The following PRXL2B variants were observed in gnomAD, a reference collection of about 807,000 sequenced individuals.
PRXL2B encodes peroxiredoxin like 2B, also known as prostamide/prostaglandin F synthase.
A neutral mutation model predicts 24.4 loss-of-function variants in PRXL2B; 26 were observed. The ratio of observed to expected loss-of-function variants is 1.07; its 90% confidence interval spans 0.78 to 1.48. The LOEUF is 1.48. PRXL2B is among the 40% of genes most tolerant of loss of function. The pLI is 0.00. For synonymous variants in PRXL2B, 115 were observed against 118.9 expected (o/e 0.97, Z 0.21); for missense variants, 269 against 264.8 (o/e 1.02, Z -0.11).
Position 2,587,421 on chromosome 1 carries a change from G to A in PRXL2B, c.268+126G>A. 8.8e-7 allele frequency: 1 copy of A among 1,137,982 alleles called. No individual in the cohort carries two copies. The highest frequency in any genetic ancestry group is 1.3e-6 in the Non-Finnish European group (1 of 798,846). The allele number at this position is 1,137,982 out of a possible 1,614,324, so 70.5% of individuals were successfully genotyped here. A position where few individuals can be genotyped will look rare whatever the true frequency, so the allele number is the denominator to read the frequency against. ...GCGGCCTTGATATGCCCACGGGTCA[G>A]CGTCCCTCATCTCTCCCTGCCTCCC... On this transcript the variant is annotated intron_variant, in intron 2 of 6. Coordinates refer to ENST00000419916, the MANE Select transcript of PRXL2B (RefSeq NM_152371.5). The surrounding 1 kb of genome is among the most constrained non-coding windows in gnomAD (Gnocchi z 6.1).
Position 2,591,240 on chromosome 1 carries a change from C to T in PRXL2B, c.*1813C>T, listed in dbSNP as rs1264989749. On this transcript the variant is annotated 3_prime_UTR_variant, in exon 7 of 7. Coordinates refer to ENST00000419916, the MANE Select transcript of PRXL2B (RefSeq NM_152371.5). Reference sequence around the variant, plus strand: ...AACATTTCAACCATGAGATAAACCCCCATCTGACCAGAAACATGCCAATCC... The same window carrying T: ...AACATTTCAACCATGAGATAAACCCTCATCTGACCAGAAACATGCCAATCC... The T allele has an allele frequency of 6.6e-6, 4 of 607,984 alleles. No homozygotes were observed. The African/African-American group carries it at 7.4e-5, about 11-fold the overall frequency. The allele number at this position is 607,984 out of a possible 1,614,324, so 37.7% of individuals were successfully genotyped here. A position where few individuals can be genotyped will look rare whatever the true frequency, so the allele number is the denominator to read the frequency against.
chr1:2,590,705 G>A lies in PRXL2B; in HGVS notation c.*1278G>A, dbSNP rs113521430. On this transcript the variant is annotated 3_prime_UTR_variant, in exon 7 of 7. Coordinates refer to ENST00000419916, the MANE Select transcript of PRXL2B (RefSeq NM_152371.5). ...ATACTGGAAGACAATGCACCTTGGA[G>A]GGTGGGCAGGACACAGTTGATTGTC... The A allele has an allele frequency of 1.1e-4, 42 of 376,366 alleles. No individual in the cohort carries two copies. The highest frequency in any genetic ancestry group is 7.7e-4 in the African/African-American group (37 of 48,334). The allele number at this position is 376,366 out of a possible 1,614,324, so 23.3% of individuals were successfully genotyped here. A position where few individuals can be genotyped will look rare whatever the true frequency, so the allele number is the denominator to read the frequency against.
At chr1:2,586,667 T>TGGCCGGGGCGC, upstream of PRXL2B, 5 of 1,093,976 alleles carry the variant, frequency 4.6e-6, no homozygotes, top group Admixed American at 1.2e-4. Flanking sequence ...GTCGGGGGCG[T>TGGCCGGGGCGC]GGCCGGGGCG....
rs1644564755 is a variant in PRXL2B, at chr1:2,587,804, CG to C, written c.320+15del. The stretch of plus-strand genomic sequence containing the variant: ...CTAGGCTTCAAGCGGTGAGTGGGGG[CG>C]GGAACCCTTGGGTAGCGTGGGGTGG... On this transcript the variant is annotated intron_variant, in intron 3 of 6. Transcript: ENST00000419916. The surrounding 1 kb of genome is among the most constrained non-coding windows in gnomAD (Gnocchi z 6.1). The C allele has an allele frequency of 1.4e-6, 1 of 735,680 alleles. No individual in the cohort carries two copies. The highest frequency in any genetic ancestry group is 1.9e-5 in the African/African-American group (1 of 53,776). The allele number at this position is 735,680 out of a possible 1,614,324, so 45.6% of individuals were successfully genotyped here. A position where few individuals can be genotyped will look rare whatever the true frequency, so the allele number is the denominator to read the frequency against.
rs562088557 is a variant in PRXL2B at position 2,591,170 on chromosome 1, C to A, written c.*1743C>A. The A allele has an allele frequency of 1.0e-6, 1 of 1,004,138 alleles. No individual in the cohort carries two copies. Among genetic ancestry groups the A allele is most frequent in the East Asian group, 2.7e-5 (1 of 36,572 alleles). 62.2% of individuals were successfully genotyped at this position (1,004,138 alleles called of 1,614,324 possible). A position where few individuals can be genotyped will look rare whatever the true frequency, so the allele number is the denominator to read the frequency against. On this transcript the variant is annotated 3_prime_UTR_variant, in exon 7 of 7. Transcript: ENST00000419916. Reference sequence around the variant, plus strand: ...ATTTTAAGTTCTCCGTGATTAAAAACCAGCCCAAAACATCAGCCTAATGGC... The same window carrying A: ...ATTTTAAGTTCTCCGTGATTAAAAAACAGCCCAAAACATCAGCCTAATGGC...
At chr1:2,586,698 C>T, upstream of PRXL2B, 1 of 1,191,276 alleles carries the variant, frequency 8.4e-7, no homozygotes, top group Non-Finnish European at 1.0e-6. Flanking sequence ...ATCTTGGGGG[C>T]GGGCCCGGGG....
upstream of PRXL2B, chr1:2,586,541 G>A (rs1382695588): frequency 2.6e-6 from 1 of 378,324 alleles, no homozygotes; most frequent in East Asian, 4.0e-5. Flanking sequence ...GGGAGGGACC[G>A]AAGCAGGCGG....
At position 2,590,996 on chromosome 1, in the gene PRXL2B, C is replaced by T. The variant is rs771935253; in HGVS notation, c.*1569C>T. On this transcript the variant is annotated 3_prime_UTR_variant, in exon 7 of 7. Coordinates refer to ENST00000419916, the MANE Select transcript of PRXL2B (RefSeq NM_152371.5). ...CAGCGCGGCAGGGCCTTGGCTACCA[C>T]ACGCGGCATCGCTCCTTGGGGTGCA... The T allele has an allele frequency of 6.3e-6, 10 of 1,588,174 alleles. No homozygotes were observed. The African/African-American group carries it at 8.1e-5, about 13-fold the overall frequency.
rs185629644 is a variant in PRXL2B at position 2,590,946 on chromosome 1, G to T, written c.*1519G>T. The T allele has an allele frequency of 1.4e-5, 20 of 1,414,240 alleles. No homozygotes were observed. The highest frequency in any genetic ancestry group is 2.6e-4 in the Middle Eastern group (1 of 3,920). The allele number at this position is 1,414,240 out of a possible 1,614,324, so 87.6% of individuals were successfully genotyped here. On this transcript the variant is annotated 3_prime_UTR_variant, in exon 7 of 7. Coordinates refer to ENST00000419916, the MANE Select transcript of PRXL2B (RefSeq NM_152371.5). ...GCTGCACCTTCGCACAGATGCCTCC[G>T]AGCAGCGGGTGGGCGTGGGCCGCAC...
intron 3 of PRXL2B, 167 bp from the exon 4 acceptor site, chr1:2,588,223 G>A (rs997604173): frequency 1.6e-5 from 14 of 851,030 alleles, no homozygotes; most frequent in Middle Eastern, 3.4e-4. Context: ...CCAACCTGCC[G>A]GTGGGCTGGG....
rs141782706 is a variant in PRXL2B, at chr1:2,589,619, C to T, written c.*192C>T. On this transcript the variant is annotated 3_prime_UTR_variant, in exon 7 of 7. Transcript: ENST00000419916. ...ACTGCTTCGCAGGCTCCGAGCCCTG[C>T]ATCCTCCACAGCCCCCGCCTTGCTC... 610 of 730,218 alleles carry T rather than the reference C, an allele frequency of 8.4e-4. 5 individuals are homozygous for T. The African/African-American group carries it at 9.7e-3, about 12-fold the overall frequency. 45.2% of individuals were successfully genotyped at this position (730,218 alleles called of 1,614,324 possible).
Position 2,588,406 on chromosome 1 carries a change from A to G in PRXL2B, c.337A>G (p.Ile113Val), listed in dbSNP as rs1358438861. 8.1e-6 allele frequency: 13 copies of G among 1,614,118 alleles called. No homozygotes were observed. The highest frequency in any genetic ancestry group is 1.1e-5 in the South Asian group (1 of 91,076). The change falls in exon 4 of 7, where the codon ATC becomes GTC. Residue 113 changes from isoleucine to valine, a missense_variant. By Grantham distance (29) the Ile-to-Val change is conservative. Transcript: ENST00000419916. ...TCTTCGCAGGTACAACAGCCTGAGC[A>G]TCCTCCCAGCAGCTCTGGGGAAGCC... ...LGFKRYNSLS[I>V]LPAALGKPVR...
At position 2,587,365 on chromosome 1, in the gene PRXL2B, C is replaced by A. The variant is rs1201211439; in HGVS notation, c.268+70C>A. On this transcript the variant is annotated intron_variant, in intron 2 of 6. Transcript: ENST00000419916. This position sits in a 1 kb window ranked among gnomAD's most constrained non-coding sequence, Gnocchi z 6.1. ...AGCTCAGGGCGTTCGGGGCCCTTTCCTGCCCAACCCCGGCCCTTCTGTCTG... is the reference window on the plus strand; with the variant it reads ...AGCTCAGGGCGTTCGGGGCCCTTTCATGCCCAACCCCGGCCCTTCTGTCTG... The A allele has an allele frequency of 6.7e-6, 10 of 1,495,252 alleles. No individual in the cohort carries two copies. The highest frequency in any genetic ancestry group is 1.4e-5 in the African/African-American group (1 of 71,748). The allele number at this position is 1,495,252 out of a possible 1,614,324, so 92.6% of individuals were successfully genotyped here.
chr1:2,588,213 C>A, intron 3 of PRXL2B, 177 bp from the exon 4 acceptor site: 1 of 817,500 alleles, frequency 1.2e-6, no homozygotes, highest in Non-Finnish European at 2.0e-6. Context: ...GGCTCGGTGT[C>A]CAACCTGCCG....
In PRXL2B at chr1:2,588,430, C is replaced by A; in HGVS notation, c.361C>A (p.Pro121Thr). 1 of 1,614,186 alleles carries A rather than the reference C, an allele frequency of 6.2e-7. No homozygotes were observed. Reference sequence around the variant, plus strand: ...CATCCTCCCAGCAGCTCTGGGGAAGCCCGTGCGTGATGTGGCTGCCAAGGT... The same window carrying A: ...CATCCTCCCAGCAGCTCTGGGGAAGACCGTGCGTGATGTGGCTGCCAAGGT... ...LSILPAALGK[P>T]VRDVAAKAKA... is the part of the protein sequence containing the mutation. The change falls in exon 4 of 7, where the codon CCC becomes ACC. Residue 121 changes from proline (P) to threonine (T), a missense_variant. Pro to Thr is a conservative substitution (Grantham distance 38). Transcript: ENST00000419916.
rs1255791747 is a variant in PRXL2B at position 2,588,237 on chromosome 1, G to C, written c.321-153G>C. ...TCCAACCTGCCGGTGGGCTGGGCTG[G>C]CTACTGATCTGGTCGCCTGTGCCAT... On this transcript the variant is annotated intron_variant, in intron 3 of 6. Coordinates refer to ENST00000419916, the MANE Select transcript of PRXL2B (RefSeq NM_152371.5). 4.3e-6 allele frequency: 4 copies of C among 927,908 alleles called. No individual in the cohort carries two copies. In the Admixed American group the frequency reaches 6.8e-5, roughly 16 times the overall value. 57.5% of individuals were successfully genotyped at this position (927,908 alleles called of 1,614,324 possible).
Position 2,587,912 on chromosome 1 carries a change from G to A in PRXL2B, c.320+120G>A, listed in dbSNP as rs1644567212. ...GTGCTGTCCACTCGGGCCTTCCTGG[G>A]CAAGGCGGCTCTGGTGGCACTGTTG... On this transcript the variant is annotated intron_variant, in intron 3 of 6. Transcript: ENST00000419916. The surrounding 1 kb of genome is among the most constrained non-coding windows in gnomAD (Gnocchi z 6.1). 8.5e-7 allele frequency: 1 copy of A among 1,175,044 alleles called. No homozygotes were observed. Among genetic ancestry groups the A allele is most frequent in the African/African-American group, 1.5e-5 (1 of 65,366 alleles). The allele number at this position is 1,175,044 out of a possible 1,614,324, so 72.8% of individuals were successfully genotyped here.
Position 2,587,410 on chromosome 1 carries a change from C to G in PRXL2B, c.268+115C>G, listed in dbSNP as rs537559729. On this transcript the variant is annotated intron_variant, in intron 2 of 6. Coordinates refer to ENST00000419916, the MANE Select transcript of PRXL2B (RefSeq NM_152371.5). The surrounding 1 kb of genome is among the most constrained non-coding windows in gnomAD (Gnocchi z 6.1). ...TGTCTGCTGGAGCGGCCTTGATATG[C>G]CCACGGGTCAGCGTCCCTCATCTCT... 15 of 1,221,718 alleles carry G rather than the reference C, an allele frequency of 1.2e-5. No individual in the cohort carries two copies. Among genetic ancestry groups the G allele is most frequent in the African/African-American group, 4.6e-5 (3 of 65,860 alleles). The allele number at this position is 1,221,718 out of a possible 1,614,324, so 75.7% of individuals were successfully genotyped here. A position where few individuals can be genotyped will look rare whatever the true frequency, so the allele number is the denominator to read the frequency against.
In PRXL2B at chr1:2,587,613, G is replaced by T. The variant is rs1644557657; in HGVS notation, c.269-128G>T. ...CGTTTTACCCCTCCCTGCCCTGCGGGGGTGGGCTGAGCACGGAGGGTGGGC... is the reference window on the plus strand; with the variant it reads ...CGTTTTACCCCTCCCTGCCCTGCGGTGGTGGGCTGAGCACGGAGGGTGGGC... On this transcript the variant is annotated intron_variant, in intron 2 of 6. Coordinates refer to ENST00000419916, the MANE Select transcript of PRXL2B (RefSeq NM_152371.5). The surrounding 1 kb of genome is among the most constrained non-coding windows in gnomAD (Gnocchi z 6.1). The T allele has an allele frequency of 8.9e-7, 1 of 1,122,416 alleles. No homozygotes were observed. Among genetic ancestry groups the T allele is most frequent in the East Asian group, 2.6e-5 (1 of 38,878 alleles). 69.5% of individuals were successfully genotyped at this position (1,122,416 alleles called of 1,614,324 possible). A position where few individuals can be genotyped will look rare whatever the true frequency, so the allele number is the denominator to read the frequency against.
Sources: allele counts gnomAD v4.1 joint callset, GRCh38; gene constraint gnomAD v4.1.1; non-coding constraint Gnocchi (gnomAD v3.1); transcripts MANE v1.5; gene names NCBI Gene and HGNC (gene_info 2026-07-23, HGNC 2026-07-21).